Variants in SRPK2 observed in about 807,000 individuals in gnomAD.
SRPK2 encodes SRSF protein kinase 2.
In SRPK2, 21 loss-of-function variants were observed where a neutral mutation model predicts 90.8. That is an observed-to-expected ratio of 0.23 (90% CI 0.16 to 0.33). SRPK2 has a LOEUF of 0.33. SRPK2 is among the 10% of genes least tolerant of loss of function. SRPK2 has a pLI of 1.00. For synonymous variants in SRPK2, 288 were observed against 311.1 expected, an observed-to-expected ratio of 0.93 and a Z score of 0.78; for missense variants, 620 against 869.0, an observed-to-expected ratio of 0.71 and a Z score of 3.60.
intron 2 of SRPK2, among the ~76,000 whole-genome samples, chr7:105,276,491 A>T (rs1394511976): frequency 6.6e-6 from 1 of 151,982 alleles, no homozygotes; most frequent in East Asian, 1.9e-4. Context: ...TAATCCCAAC[A>T]ATTAAGGAGC....
In SRPK2 at chr7:105,176,621, G is replaced by GTATATA. The variant is rs60848545; in HGVS notation, c.230-7362_230-7357dup. Among the ~76,000 whole-genome samples the GTATATA allele has an allele frequency of 4.9e-3, 723 of 147,622 alleles. 8 individuals are homozygous for GTATATA. The highest frequency in any genetic ancestry group is 9.4e-3 in the South Asian group (44 of 4,664). On this transcript the variant is annotated intron_variant, in intron 3 of 15. Transcript: ENST00000393651. ...TGTGTGTGTGTGTGTATACGTGTGT[G>GTATATA]TATATATATATATGCACAGTGGCAT...
At chr7:105,298,695 C>G in intron 2 of SRPK2, 5 of 983,520 alleles carry the variant, frequency 5.1e-6, no homozygotes, top group Non-Finnish European at 6.0e-6. Flanking sequence ...CAACCCCCTG[C>G]CTAAAATAGT....
chr7:105,190,148 C>A (rs1055456467), intron 3 of SRPK2, among the ~76,000 whole-genome samples: 21 of 152,166 alleles, frequency 1.4e-4, no homozygotes, highest in African/African-American at 5.1e-4. Flanking sequence ...CTGGATCCTG[C>A]GCTCCCTCTG....
At chr7:105,147,864 G>C (rs1804894682) in intron 7 of SRPK2, among the ~76,000 whole-genome samples, 1 of 152,208 alleles carries the variant, frequency 6.6e-6, no homozygotes, top group Non-Finnish European at 1.5e-5. Flanking sequence ...TTGGCAAACA[G>C]TATTCCACTG....
intron 2 of SRPK2, among the ~76,000 whole-genome samples, chr7:105,277,233 C>T (rs940458190): frequency 1.7e-4 from 26 of 152,046 alleles, no homozygotes; most frequent in Admixed American, 1.2e-3. Flanking sequence ...CCCACTACCA[C>T]GTCCGGCTAA....
At chr7:105,196,239 A>G (rs1270592849) in intron 3 of SRPK2, among the ~76,000 whole-genome samples, 10 of 152,238 alleles carry the variant, frequency 6.6e-5, no homozygotes, top group Non-Finnish European at 2.9e-5. Flanking sequence ...AATTAAGCCA[A>G]ATTAAGCCAA....
At chr7:105,227,558 A>G (rs1798862632) in intron 2 of SRPK2, among the ~76,000 whole-genome samples, 1 of 152,208 alleles carries the variant, frequency 6.6e-6, no homozygotes, top group Non-Finnish European at 1.5e-5. Context: ...TAGGATAACT[A>G]CAAGTAAAAG....
In SRPK2 at chr7:105,228,626, G is replaced by A. The variant is rs539664086; in HGVS notation, c.72-24841C>T. ...CAGACAGCGGAACTAAGAGAGCAGTGTAACACCCTCTCTCAGGCCTCGGGG... is the reference window on the plus strand; with the variant it reads ...CAGACAGCGGAACTAAGAGAGCAGTATAACACCCTCTCTCAGGCCTCGGGG... On this transcript the variant is annotated intron_variant, in intron 2 of 15. Coordinates refer to ENST00000393651, the MANE Select transcript of SRPK2 (RefSeq NM_182692.3). Among the ~76,000 whole-genome samples the A allele has an allele frequency of 1.7e-4, 26 of 152,326 alleles. 2 individuals carry two copies. In the South Asian group the frequency reaches 4.6e-3, roughly 27 times the overall value.
intron 2 of SRPK2, among the ~76,000 whole-genome samples, chr7:105,348,259 C>T (rs1040551115): frequency 2.0e-5 from 3 of 151,168 alleles, no homozygotes; most frequent in Non-Finnish European, 4.4e-5. Flanking sequence ...TTAATAGAAA[C>T]GGGGTTTCTC....
chr7:105,298,906 A>C, intron 2 of SRPK2: 1 of 495,528 alleles, frequency 2.0e-6, no homozygotes, highest in Non-Finnish European at 2.6e-6. Flanking sequence ...TGTTCAGCTC[A>C]GTTAGCACAC....
intron 2 of SRPK2, among the ~76,000 whole-genome samples, chr7:105,371,606 A>G (rs1198259085): frequency 1.5e-5 from 2 of 133,778 alleles, no homozygotes; most frequent in East Asian, 2.2e-4. Context: ...AAAAAAAAAC[A>G]CTAGTCAGGT....
chr7:105,318,400 A>T (rs1287601687), intron 2 of SRPK2, among the ~76,000 whole-genome samples: 1 of 152,216 alleles, frequency 6.6e-6, no homozygotes, highest in African/African-American at 2.4e-5. Context: ...CAGCCTAAAA[A>T]TATGCTATTT....
chr7:105,283,451 G>A (rs548171564), intron 2 of SRPK2, among the ~76,000 whole-genome samples: 1 of 152,286 alleles, frequency 6.6e-6, no homozygotes, highest in South Asian at 2.1e-4. Context: ...AAAAGAAAGA[G>A]TACTAATACA....
At chr7:105,329,748 C>T (rs10259721) in intron 2 of SRPK2, among the ~76,000 whole-genome samples, 25,284 of 151,950 alleles carry the variant, frequency 0.17, 2,772 homozygotes, top group East Asian at 0.58. Flanking sequence ...GGCTTAAGAA[C>T]ACCCGGCATG....
At chr7:105,320,523 T>C in intron 2 of SRPK2, among the ~76,000 whole-genome samples, 1 of 152,090 alleles carries the variant, frequency 6.6e-6, no homozygotes. Flanking sequence ...TCCACAGTAC[T>C]CAAAACCAAG....
intron 2 of SRPK2, among the ~76,000 whole-genome samples, chr7:105,382,118 T>G (rs1490864925): frequency 1.3e-5 from 2 of 150,384 alleles, no homozygotes; most frequent in African/African-American, 2.5e-5. Context: ...CAGTGAGCCA[T>G]GATTGCGCCA....
intron 2 of SRPK2, among the ~76,000 whole-genome samples, chr7:105,255,431 T>C (rs1015966832): frequency 6.6e-6 from 1 of 151,946 alleles, no homozygotes; most frequent in African/African-American, 2.4e-5. Flanking sequence ...CTAGTCTCAA[T>C]ATATTTCCTG....
Position 105,117,778 on chromosome 7 carries a change from G to T in SRPK2, c.*60C>A, listed in dbSNP as rs78695224. 7.8e-5 allele frequency: 122 copies of T among 1,560,054 alleles called. No homozygotes were observed. The East Asian group carries it at 2.3e-3, about 29-fold the overall frequency. On this transcript the variant is annotated 3_prime_UTR_variant, in exon 16 of 16. Coordinates refer to ENST00000393651, the MANE Select transcript of SRPK2 (RefSeq NM_182692.3). ...ATCCTGTTAAAGAATGAGAGTCACCGTTTAGGTCCAATGTACTGGGAACAT... is the reference window on the plus strand; with the variant it reads ...ATCCTGTTAAAGAATGAGAGTCACCTTTTAGGTCCAATGTACTGGGAACAT...
chr7:105,278,114 G>C (rs142037935), intron 2 of SRPK2, among the ~76,000 whole-genome samples: 2 of 151,892 alleles, frequency 1.3e-5, no homozygotes, highest in Non-Finnish European at 2.9e-5. Context: ...TCAGGAATTC[G>C]AAACCAGCCT....
Sources: gnomAD v4.1 joint callset for allele counts (sites outside exome capture counted in the v4.1 genomes callset) on GRCh38, gnomAD v4.1.1 for gene constraint, MANE v1.5 for transcripts, NCBI Gene and HGNC (gene_info 2026-07-23, HGNC 2026-07-21) for gene names.